The following CDYL2 variants were observed in gnomAD, a reference collection of about 807,000 sequenced individuals.
The protein encoded by CDYL2 is chromodomain Y like 2.
A neutral mutation model predicts 49.4 loss-of-function variants in CDYL2; 23 were observed. That is an observed-to-expected ratio of 0.47 (90% CI 0.34 to 0.66). The LOEUF (loss-of-function observed/expected upper bound fraction) is 0.66. Ranked by LOEUF, CDYL2 falls within the 30% of genes least tolerant of loss-of-function variation. The pLI is 0.01. For missense variants in CDYL2, 678 were observed against 656.4 expected (o/e 1.03, Z -0.36); for synonymous variants, 360 against 268.8 (o/e 1.34, Z -3.32).
At position 80,754,717 on chromosome 16, in the gene CDYL2, C is replaced by T. The variant is rs565177594; in HGVS notation, c.24+49433G>A. Among the ~76,000 whole-genome samples, 553 of 152,298 alleles carry T rather than the reference C, an allele frequency of 3.6e-3. 3 individuals carry two copies. The highest frequency in any genetic ancestry group is 3.4e-3 in the Middle Eastern group (1 of 294). On this transcript the variant is annotated intron_variant, in intron 1 of 6. Coordinates refer to ENST00000570137, the MANE Select transcript of CDYL2 (RefSeq NM_152342.4). ...GGATTCCGTGAGGGAATACACATAG[C>T]ACACCTGGCATAGAGCATGAGCTCA... is the stretch of plus-strand genomic sequence containing the variant.
chr16:80,739,931 A>G (rs987972350), intron 1 of CDYL2, among the ~76,000 whole-genome samples: 4 of 152,186 alleles, frequency 2.6e-5, no homozygotes, highest in Non-Finnish European at 5.9e-5. Flanking sequence ...CACAAAGCTG[A>G]GTCACGTACA....
chr16:80,767,521 T>C (rs1412982677), intron 1 of CDYL2, among the ~76,000 whole-genome samples: 1 of 152,118 alleles, frequency 6.6e-6, no homozygotes, highest in Non-Finnish European at 1.5e-5. Context: ...ATGATCTAAA[T>C]AAGGGGCCAT....
intron 1 of CDYL2, among the ~76,000 whole-genome samples, chr16:80,755,778 G>A (rs1906290671): frequency 1.3e-5 from 2 of 152,188 alleles, no homozygotes; most frequent in South Asian, 4.1e-4. Context: ...GATAGTGTAT[G>A]AATATTTGTT....
At chr16:80,799,119 A>C (rs1401883210) in intron 1 of CDYL2, among the ~76,000 whole-genome samples, 3 of 151,906 alleles carry the variant, frequency 2.0e-5, no homozygotes, top group Non-Finnish European at 4.4e-5. Context: ...TTACATAAAC[A>C]TGTGTAGAAA....
chr16:80,639,633 T>A (rs763853158), intron 2 of CDYL2: 1 of 452,020 alleles, frequency 2.2e-6, no homozygotes, highest in South Asian at 1.6e-5. Flanking sequence ...CAAAAAAAAA[T>A]ACCTTCATAA....
Position 80,724,675 on chromosome 16 carries a change from A to G in CDYL2, c.25-39546T>C, listed in dbSNP as rs138481028. Among the ~76,000 whole-genome samples, 851 of 152,334 alleles carry G rather than the reference A, an allele frequency of 5.6e-3. 5 individuals carry two copies. The highest frequency in any genetic ancestry group is 0.019 in the African/African-American group (793 of 41,570). On this transcript the variant is annotated intron_variant, in intron 1 of 6. Transcript: ENST00000570137. ...ATATACACACATGCATTTGTGTACT[A>G]GGCCCATGATACAACATAGATTTCT...
At position 80,667,395 on chromosome 16, in the gene CDYL2, T is replaced by A. The variant is rs117685755; in HGVS notation, c.616+17143A>T. 2.6e-4 allele frequency among the ~76,000 whole-genome samples: 40 copies of A among 152,314 alleles called. No homozygotes were observed. In the East Asian group the frequency reaches 7.1e-3, roughly 27 times the overall value. ...CAGCTCTATGCCCTTGTACATGCTG[T>A]CATCACCTCCTGACATCCCTGCCTT... On this transcript the variant is annotated intron_variant, in intron 2 of 6. Coordinates refer to ENST00000570137, the MANE Select transcript of CDYL2 (RefSeq NM_152342.4).
intron 1 of CDYL2, among the ~76,000 whole-genome samples, chr16:80,799,841 A>G (rs1029646117): frequency 2.0e-5 from 3 of 152,246 alleles, no homozygotes; most frequent in African/African-American, 7.2e-5. Flanking sequence ...TACGTGCCCA[A>G]GAATCAATCC....
At chr16:80,641,095 T>G (rs1369486660) in intron 2 of CDYL2, among the ~76,000 whole-genome samples, 1 of 152,028 alleles carries the variant, frequency 6.6e-6, no homozygotes, top group African/African-American at 2.4e-5. Flanking sequence ...AATATCCAAG[T>G]ACAAGAAGGT....
intron 2 of CDYL2, among the ~76,000 whole-genome samples, chr16:80,656,670 C>A (rs1908826949): frequency 6.6e-6 from 1 of 152,246 alleles, no homozygotes; most frequent in Admixed American, 6.5e-5. Flanking sequence ...GTGCTGACAC[C>A]GTGCCCCTGT....
intron 1 of CDYL2, among the ~76,000 whole-genome samples, chr16:80,761,358 T>A (rs1906522484): frequency 6.6e-6 from 1 of 152,238 alleles, no homozygotes; most frequent in Non-Finnish European, 1.5e-5. Flanking sequence ...ATCTGTGAAT[T>A]TGGGTTCATC....
intron 2 of CDYL2, among the ~76,000 whole-genome samples, chr16:80,666,848 T>TTCAC (rs1342167039): frequency 6.6e-6 from 1 of 152,182 alleles, no homozygotes. Flanking sequence ...CATCTATTCA[T>TTCAC]TCACTCACTC....
rs138824703 is a variant in CDYL2 at position 80,771,396 on chromosome 16, T to C, written c.24+32754A>G. 1.9e-4 allele frequency among the ~76,000 whole-genome samples: 29 copies of C among 152,246 alleles called. No homozygotes were observed. The East Asian group carries it at 5.6e-3, about 29-fold the overall frequency. Reference sequence around the variant, plus strand: ...TGTCCAATGAACTAAAAGTCAACAATGAAATTTCAACATACAAACGAAAAC... The same window carrying C: ...TGTCCAATGAACTAAAAGTCAACAACGAAATTTCAACATACAAACGAAAAC... On this transcript the variant is annotated intron_variant, in intron 1 of 6. Transcript: ENST00000570137.
At chr16:80,765,319 A>C (rs1567599791) in intron 1 of CDYL2, among the ~76,000 whole-genome samples, 1 of 151,774 alleles carries the variant, frequency 6.6e-6, no homozygotes, top group African/African-American at 2.4e-5. Context: ...AACACCTGTA[A>C]GTTTAAAGGT....
intron 1 of CDYL2, among the ~76,000 whole-genome samples, chr16:80,756,873 A>C (rs532300586): frequency 4.6e-5 from 7 of 151,660 alleles, no homozygotes; most frequent in South Asian, 2.1e-4. Context: ...AAAAAAAAAA[A>C]CACATGATTT....
chr16:80,709,467 T>C (rs767411741), intron 1 of CDYL2, among the ~76,000 whole-genome samples: 2 of 151,842 alleles, frequency 1.3e-5, no homozygotes, highest in African/African-American at 4.8e-5. Context: ...AAATTTTGCA[T>C]TTTCTTGTGC....
chr16:80,661,717 G>C (rs568267430), intron 2 of CDYL2, among the ~76,000 whole-genome samples: 1 of 152,234 alleles, frequency 6.6e-6, no homozygotes, highest in South Asian at 2.1e-4. Flanking sequence ...GAACAAAGGA[G>C]GAAAGAAAAT....
At chr16:80,679,361 C>T (rs1909884147) in intron 2 of CDYL2, among the ~76,000 whole-genome samples, 1 of 152,162 alleles carries the variant, frequency 6.6e-6, no homozygotes, top group African/African-American at 2.4e-5. Flanking sequence ...CCCCCAGTCA[C>T]AAAATGTCTC....
intron 1 of CDYL2, among the ~76,000 whole-genome samples, chr16:80,772,531 C>A (rs748782409): frequency 3.3e-5 from 5 of 152,194 alleles, no homozygotes; most frequent in Admixed American, 1.3e-4. Context: ...CGGCTCACTG[C>A]AACCTCTGCT....
Sources: allele counts gnomAD v4.1 joint callset (sites outside exome capture counted in the v4.1 genomes callset), GRCh38; gene constraint gnomAD v4.1.1; transcripts MANE v1.5; gene names NCBI Gene and HGNC (gene_info 2026-07-23, HGNC 2026-07-21).